Variants in ALG11 observed in about 807,000 individuals in gnomAD.
ALG11 encodes the protein ALG11 alpha-1,2-mannosyltransferase.
A neutral mutation model predicts 38.8 loss-of-function variants in ALG11; 26 were observed. That is an observed-to-expected ratio of 0.67 (90% CI 0.49 to 0.93). The LOEUF (loss-of-function observed/expected upper bound fraction) is 0.93, where lower values mean the gene tolerates loss of function less well. ALG11 is among the 40% of genes least tolerant of loss of function. The pLI is 0.00. For synonymous variants in ALG11, 199 were observed against 211.6 expected (o/e 0.94, Z 0.52); for missense variants, 535 against 578.8 (o/e 0.92, Z 0.78).
Position 52,028,638 on chromosome 13 carries a change from C to A in ALG11, c.*48C>A. ...ATATTTTATATAAACTGGTTAAACA[C>A]CTTCATATGTAAATATTTTTCTAAA... On this transcript the variant is annotated 3_prime_UTR_variant, in exon 4 of 4. Transcript: ENST00000521508. 6.4e-7 allele frequency: 1 copy of A among 1,572,450 alleles called. No individual in the cohort carries two copies. The highest frequency in any genetic ancestry group is 8.7e-7 in the Non-Finnish European group (1 of 1,147,560).
chr13:52,028,672 C>A lies in ALG11; in HGVS notation c.*82C>A. 6.4e-7 allele frequency: 1 copy of A among 1,557,822 alleles called. No homozygotes were observed. The highest frequency in any genetic ancestry group is 1.1e-5 in the South Asian group (1 of 87,634). ...GTAAATATTTTTCTAAATTCAATCT[C>A]ATTTGTCAAATCATTTTACTTTAGA... On this transcript the variant is annotated 3_prime_UTR_variant, in exon 4 of 4. Transcript: ENST00000521508.
At chr13:52,022,108 G>C (rs1954188989) in intron 2 of ALG11, 1 of 152,252 alleles carries the variant, frequency 6.6e-6, no homozygotes, top group African/African-American at 2.4e-5. Flanking sequence ...GCTCACACCT[G>C]TAATCCCAGC....
At position 52,029,535 on chromosome 13, in the gene ALG11, A is replaced by G; in HGVS notation, c.*945A>G. On this transcript the variant is annotated 3_prime_UTR_variant, in exon 4 of 4. Transcript: ENST00000521508. ...TATGAGGCCAAGGCTCGAAAAGAGA[A>G]GAAAATCAAAAGTAAAAAGTATCAC... 6.2e-7 allele frequency: 1 copy of G among 1,614,236 alleles called. No homozygotes were observed. Among genetic ancestry groups the G allele is most frequent in the South Asian group, 1.1e-5 (1 of 91,086 alleles).
chr13:52,014,322 A>G (rs540653947), intron 1 of ALG11, among the ~76,000 whole-genome samples: 1 of 152,200 alleles, frequency 6.6e-6, no homozygotes, highest in African/African-American at 2.4e-5. Context: ...TGGTTTGGAA[A>G]AGATAGTTTT....
At position 52,033,308 on chromosome 13, in the gene ALG11, CT is replaced by C. The variant is rs1218161672; in HGVS notation, c.*4720del. 6.0e-6 allele frequency: 1 copy of C among 166,886 alleles called. No individual in the cohort carries two copies. Among genetic ancestry groups the C allele is most frequent in the African/African-American group, 2.4e-5 (1 of 41,392 alleles). The allele number at this position is 166,886 out of a possible 1,614,324, so 10.3% of individuals were successfully genotyped here. A position where few individuals can be genotyped will look rare whatever the true frequency, so the allele number is the denominator to read the frequency against. Reference sequence around the variant, plus strand: ...ACCCACAGCAGTGGAGATTTGTATTCTTATTTACAGTTGTGTACTATAAAGT... The same window carrying C: ...ACCCACAGCAGTGGAGATTTGTATTCTATTTACAGTTGTGTACTATAAAGT... On this transcript the variant is annotated 3_prime_UTR_variant, in exon 4 of 4. Transcript: ENST00000521508.
At chr13:52,012,747 G>C (rs1165232717) in intron 1 of ALG11, among the ~76,000 whole-genome samples, 3 of 151,678 alleles carry the variant, frequency 2.0e-5, no homozygotes, top group Non-Finnish European at 4.4e-5. Context: ...TCACACTCCA[G>C]TTAGTCTGTC....
chr13:52,027,905 T>C (rs1051761972), intron 3 of ALG11, among the ~76,000 whole-genome samples: 2 of 152,252 alleles, frequency 1.3e-5, no homozygotes, highest in Non-Finnish European at 2.9e-5. Context: ...TTTTTAATTA[T>C]CTGCAATATA....
In ALG11 at chr13:52,019,003, G is replaced by A. The variant is rs1417074380; in HGVS notation, c.135G>A (p.Leu45=). The change falls in exon 2 of 4, where the codon CTG becomes CTA. Residue 45 remains leucine (L), a synonymous_variant. Coordinates refer to ENST00000521508, the MANE Select transcript of ALG11 (RefSeq NM_001004127.3). ...LVIVLWGIRL[L]LQRKKKLVST... is the part of the protein sequence containing the mutation. ...TTGTCCTTTGGGGAATCAGACTGCTGCTACAGAGAAAGAAAAAATTAGTGT... is the reference window on the plus strand; with the variant it reads ...TTGTCCTTTGGGGAATCAGACTGCTACTACAGAGAAAGAAAAAATTAGTGT... 6.2e-7 allele frequency: 1 copy of A among 1,613,940 alleles called. No individual in the cohort carries two copies. Among genetic ancestry groups the A allele is most frequent in the Admixed American group, 1.7e-5 (1 of 59,998 alleles).
chr13:52,023,809 TTTTG>T, intron 2 of ALG11, 193 bp from the exon 3 acceptor site: 3 of 287,512 alleles, frequency 1.0e-5, no homozygotes, highest in East Asian at 5.7e-5. Flanking sequence ...TTTTTTTTTT[TTTTG>T]AGATGGAGTC....
chr13:52,022,777 C>G (rs1954196494), intron 2 of ALG11: 1 of 150,852 alleles, frequency 6.6e-6, no homozygotes, highest in Non-Finnish European at 1.5e-5. Context: ...TGGCTCACCA[C>G]AACCTCCGCC....
In ALG11 at chr13:52,032,846, C is replaced by A. The variant is rs566375880; in HGVS notation, c.*4256C>A. On this transcript the variant is annotated 3_prime_UTR_variant, in exon 4 of 4. Coordinates refer to ENST00000521508, the MANE Select transcript of ALG11 (RefSeq NM_001004127.3). The stretch of plus-strand genomic sequence containing the variant: ...TTAAATCTAAAGAATTTAGTAGATT[C>A]CTTCAGTGTCACAAAGCTGTTTCAT... 1 of 167,016 alleles carries A rather than the reference C, an allele frequency of 6.0e-6. No individual in the cohort carries two copies. Among genetic ancestry groups the A allele is most frequent in the Non-Finnish European group, 1.5e-5 (1 of 68,102 alleles). The allele number at this position is 167,016 out of a possible 1,614,324, so 10.3% of individuals were successfully genotyped here.
chr13:52,014,498 A>ACATTTGG (rs1954117661), intron 1 of ALG11, among the ~76,000 whole-genome samples: 1 of 151,930 alleles, frequency 6.6e-6, no homozygotes, highest in Admixed American at 6.6e-5. Context: ...CCTTCGCAAG[A>ACATTTGG]CATTTGGCAT....
At chr13:52,019,167 A>G (rs1318443077) in intron 2 of ALG11, 24 bp downstream of exon 2, 6 of 1,538,808 alleles carry the variant, frequency 3.9e-6, no homozygotes, top group Non-Finnish European at 5.4e-6. Flanking sequence ...TTTCTTAGCT[A>G]ATTTGCTATA....
Position 52,029,551 on chromosome 13 carries a change from A to G in ALG11, c.*961A>G, listed in dbSNP as rs1954276917. 6.2e-7 allele frequency: 1 copy of G among 1,614,214 alleles called. No individual in the cohort carries two copies. The highest frequency in any genetic ancestry group is 1.7e-5 in the Admixed American group (1 of 60,028). The stretch of plus-strand genomic sequence containing the variant: ...GAAAAGAGAAGAAAATCAAAAGTAA[A>G]AAGTATCACAAAGTCGTGAAGAAAG... On this transcript the variant is annotated 3_prime_UTR_variant, in exon 4 of 4. Transcript: ENST00000521508.
chr13:52,024,542 T>C lies in ALG11; in HGVS notation c.812T>C (p.Val271Ala), dbSNP rs761110534. The change falls in exon 3 of 4, where the codon GTT becomes GCT. Residue 271 changes from valine to alanine, a missense_variant. Physicochemically the swap from Val to Ala is moderately conservative, Grantham distance 64 (BLOSUM62 0). Transcript: ENST00000521508. ...AACCATATTCTCTCACTATGGAAAG[T>C]TGGGAATTGCACTAACATTGTTTAT... is the stretch of plus-strand genomic sequence containing the variant. ...TLNHILSLWK[V>A]GNCTNIVYPP... 27 of 1,614,238 alleles carry C rather than the reference T, an allele frequency of 1.7e-5. No individual in the cohort carries two copies. The highest frequency in any genetic ancestry group is 3.3e-4 in the Middle Eastern group (2 of 6,062).
At position 52,028,656 on chromosome 13, in the gene ALG11, T is replaced by C. The variant is rs1042639607; in HGVS notation, c.*66T>C. 1 of 1,564,720 alleles carries C rather than the reference T, an allele frequency of 6.4e-7. No individual in the cohort carries two copies. Reference sequence around the variant, plus strand: ...TTAAACACCTTCATATGTAAATATTTTTCTAAATTCAATCTCATTTGTCAA... The same window carrying C: ...TTAAACACCTTCATATGTAAATATTCTTCTAAATTCAATCTCATTTGTCAA... On this transcript the variant is annotated 3_prime_UTR_variant, in exon 4 of 4. Coordinates refer to ENST00000521508, the MANE Select transcript of ALG11 (RefSeq NM_001004127.3).
chr13:52,027,008 C>T (rs1354904221), intron 3 of ALG11, among the ~76,000 whole-genome samples: 2 of 151,998 alleles, frequency 1.3e-5, no homozygotes, highest in East Asian at 3.9e-4. Context: ...CATCCAAGTG[C>T]AGTGTCTTAG....
Position 52,028,750 on chromosome 13 carries a change from A to G in ALG11, c.*160A>G, listed in dbSNP as rs765550103. ...AAAGGAAGTGTTGAAAAGAAAATGG[A>G]TGACTAGCCTTCGGCTTCCATTCTT... is the stretch of plus-strand genomic sequence containing the variant. On this transcript the variant is annotated 3_prime_UTR_variant, in exon 4 of 4. Coordinates refer to ENST00000521508, the MANE Select transcript of ALG11 (RefSeq NM_001004127.3). The G allele has an allele frequency of 1.1e-4, 175 of 1,612,376 alleles. No homozygotes were observed. Among genetic ancestry groups the G allele is most frequent in the Non-Finnish European group, 1.4e-4 (160 of 1,178,754 alleles).
At chr13:52,014,964 G>A (rs1330885787) in intron 1 of ALG11, among the ~76,000 whole-genome samples, 5 of 152,070 alleles carry the variant, frequency 3.3e-5, no homozygotes, top group African/African-American at 1.2e-4. Context: ...GTGCTCATGT[G>A]GGATTTCAAA....
Sources: gnomAD v4.1 joint callset for allele counts (sites outside exome capture counted in the v4.1 genomes callset) on GRCh38, gnomAD v4.1.1 for gene constraint, MANE v1.5 for transcripts, NCBI Gene and HGNC (gene_info 2026-07-23, HGNC 2026-07-21) for gene names.